The following GULP1 variants were observed in gnomAD, a reference collection of about 807,000 sequenced individuals.
The protein encoded by GULP1 is GULP PTB domain containing engulfment adaptor 1, also known as PTB domain-containing engulfment adapter protein 1.
Under a neutral mutation model 40.9 loss-of-function variants are expected in GULP1, and 19 were observed. The ratio of observed to expected loss-of-function variants is 0.46; its 90% confidence interval spans 0.32 to 0.68. The LOEUF is 0.68. GULP1 is among the 30% of genes least tolerant of loss of function. GULP1 has a pLI of 0.03. For missense variants in GULP1, 312 were observed against 362.2 expected, an observed-to-expected ratio of 0.86 and a Z score of 1.12; for synonymous variants, 119 against 117.6, an observed-to-expected ratio of 1.01 and a Z score of -0.08.
chr2:188,577,708 C>G (rs1180365179), intron 9 of GULP1, among the ~76,000 whole-genome samples: 1 of 152,016 alleles, frequency 6.6e-6, no homozygotes, highest in Non-Finnish European at 1.5e-5. Flanking sequence ...GGTCTTACAA[C>G]TAAGAGATCA....
intron 2 of GULP1, among the ~76,000 whole-genome samples, chr2:188,388,934 T>G (rs1408194095): frequency 6.6e-6 from 1 of 152,228 alleles, no homozygotes; most frequent in African/African-American, 2.4e-5. Context: ...TGATCAAGGT[T>G]GCCCAAGAGG....
intron 2 of GULP1, among the ~76,000 whole-genome samples, chr2:188,441,146 A>C (rs1348361079): frequency 1.3e-5 from 2 of 152,142 alleles, no homozygotes; most frequent in South Asian, 2.1e-4. Flanking sequence ...AATATACCTA[A>C]CATCTATATA....
At chr2:188,573,013 A>G (rs965602911) in intron 9 of GULP1, among the ~76,000 whole-genome samples, 2 of 152,228 alleles carry the variant, frequency 1.3e-5, no homozygotes, top group Non-Finnish European at 2.9e-5. Context: ...AATTGTTCTC[A>G]CAACAAATAT....
intron 2 of GULP1, among the ~76,000 whole-genome samples, chr2:188,408,039 T>C (rs1230898326): frequency 6.6e-6 from 1 of 152,184 alleles, no homozygotes; most frequent in Non-Finnish European, 1.5e-5. Flanking sequence ...GATAGCTCAG[T>C]CCCCAAATTC....
At chr2:188,491,370 A>G (rs1446275727) in intron 4 of GULP1, 1 of 152,162 alleles carries the variant, frequency 6.6e-6, no homozygotes, top group East Asian at 1.9e-4. Flanking sequence ...GACTAAAATC[A>G]GCATAAAAGA....
intron 7 of GULP1, among the ~76,000 whole-genome samples, chr2:188,551,402 T>C (rs769940278): frequency 5.3e-5 from 8 of 151,788 alleles, no homozygotes; most frequent in Non-Finnish European, 8.9e-5. Flanking sequence ...TGCTTTCACA[T>C]GTAAATAAGA....
At chr2:188,338,180 G>A in intron 1 of GULP1, among the ~76,000 whole-genome samples, 1 of 151,800 alleles carries the variant, frequency 6.6e-6, no homozygotes, top group East Asian at 1.9e-4. Context: ...ATATATCATT[G>A]ATGAACAATT....
intron 4 of GULP1, among the ~76,000 whole-genome samples, chr2:188,497,281 G>A (rs2062990143): frequency 6.6e-6 from 1 of 151,896 alleles, no homozygotes; most frequent in Non-Finnish European, 1.5e-5. Flanking sequence ...AATTTCATAA[G>A]TAATGTTCTT....
chr2:188,392,183 T>C (rs1239137982), intron 2 of GULP1, among the ~76,000 whole-genome samples: 1 of 152,052 alleles, frequency 6.6e-6, no homozygotes, highest in Non-Finnish European at 1.5e-5. Context: ...TGGTATCAAT[T>C]GTTTTTTGAA....
chr2:188,557,492 C>T (rs1454929652), intron 7 of GULP1, among the ~76,000 whole-genome samples: 1 of 152,234 alleles, frequency 6.6e-6, no homozygotes, highest in Non-Finnish European at 1.5e-5. Flanking sequence ...TTCTTTGACT[C>T]CATGTCCCAT....
At chr2:188,452,908 A>T (rs2058947418) in intron 2 of GULP1, among the ~76,000 whole-genome samples, 1 of 152,226 alleles carries the variant, frequency 6.6e-6, no homozygotes. Flanking sequence ...AACACAGCAG[A>T]AATATCAAAT....
intron 2 of GULP1, among the ~76,000 whole-genome samples, chr2:188,471,208 C>T (rs2060561400): frequency 6.6e-6 from 1 of 151,908 alleles, no homozygotes; most frequent in African/African-American, 2.4e-5. Flanking sequence ...CATGGAATAC[C>T]TTTATACCTT....
At chr2:188,506,939 G>A (rs1205761898) in intron 4 of GULP1, among the ~76,000 whole-genome samples, 1 of 151,986 alleles carries the variant, frequency 6.6e-6, no homozygotes, top group African/African-American at 2.4e-5. Context: ...CCCAGAAAGT[G>A]TGTTTACAGC....
chr2:188,447,902 G>A (rs1272795304), intron 2 of GULP1, among the ~76,000 whole-genome samples: 2 of 152,128 alleles, frequency 1.3e-5, no homozygotes, highest in East Asian at 3.8e-4. Context: ...TTTTTTGAGA[G>A]AAAGAATTCA....
In GULP1 at chr2:188,412,515, A is replaced by T. The variant is rs540453141; in HGVS notation, c.-45+28626A>T. Among the ~76,000 whole-genome samples, 848 of 152,120 alleles carry T rather than the reference A, an allele frequency of 5.6e-3. 8 individuals carry two copies. Among genetic ancestry groups the T allele is most frequent in the South Asian group, 0.018 (85 of 4,816 alleles). On this transcript the variant is annotated intron_variant, in intron 2 of 11. Coordinates refer to ENST00000409830, the MANE Select transcript of GULP1 (RefSeq NM_016315.4). ...ATGGAATCATTGTTGTGTCCTCTGG[A>T]ACTCCCACGGTTTCCCTCCCATAAC...
chr2:188,387,247 T>TA (rs1392145015), intron 2 of GULP1, among the ~76,000 whole-genome samples: 1 of 151,514 alleles, frequency 6.6e-6, no homozygotes, highest in Non-Finnish European at 1.5e-5. Flanking sequence ...AAAAAAAAAA[T>TA]AAAGAAAAGT....
Position 188,434,419 on chromosome 2 carries a change from A to G in GULP1, c.-44-43240A>G, listed in dbSNP as rs183103269. ...GTGACTTTGCCCAAGTTTACAACAT[A>G]CTCTTGATATGTACATGTTTTTGAA... On this transcript the variant is annotated intron_variant, in intron 2 of 11. Transcript: ENST00000409830. 8.6e-5 allele frequency among the ~76,000 whole-genome samples: 13 copies of G among 151,158 alleles called. No individual in the cohort carries two copies. In the East Asian group the frequency reaches 2.5e-3, roughly 29 times the overall value.
chr2:188,465,171 A>T (rs985225906), intron 2 of GULP1, among the ~76,000 whole-genome samples: 1 of 152,042 alleles, frequency 6.6e-6, no homozygotes, highest in African/African-American at 2.4e-5. Context: ...TTAATGTAGT[A>T]CCTGGGTATT....
intron 9 of GULP1, among the ~76,000 whole-genome samples, chr2:188,577,028 C>CAA (rs900628103): frequency 1.3e-5 from 2 of 152,024 alleles, no homozygotes; most frequent in Non-Finnish European, 2.9e-5. Flanking sequence ...CAAGTTAAAT[C>CAA]AAAATGTTCC....
Sources: allele counts gnomAD v4.1 joint callset (sites outside exome capture counted in the v4.1 genomes callset), GRCh38; gene constraint gnomAD v4.1.1; transcripts MANE v1.5; gene names NCBI Gene and HGNC (gene_info 2026-07-23, HGNC 2026-07-21).